The following WWP2 variants were observed in gnomAD, a reference collection of about 807,000 sequenced individuals.
WWP2 encodes WW domain containing E3 ubiquitin protein ligase 2, also known as NEDD4-like E3 ubiquitin-protein ligase WWP2.
WWP2 carries 57 observed loss-of-function variants against 121.0 expected under a neutral mutation model. That is an observed-to-expected ratio of 0.47 (90% CI 0.38 to 0.59). The LOEUF (loss-of-function observed/expected upper bound fraction) is 0.59, where lower values mean the gene tolerates loss of function less well. Among genes scored for constraint, WWP2 ranks in the 20% least tolerant of loss-of-function variants. WWP2 has a pLI of 0.00. For synonymous variants in WWP2, 449 were observed against 441.3 expected, an observed-to-expected ratio of 1.02 and a Z score of -0.22; for missense variants, 962 against 1,158.9, an observed-to-expected ratio of 0.83 and a Z score of 2.47.
chr16:69,783,482 G>A (rs2055709142), intron 1 of WWP2, among the ~76,000 whole-genome samples: 1 of 152,052 alleles, frequency 6.6e-6, no homozygotes, highest in Admixed American at 6.6e-5. Flanking sequence ...GCTGCCGTGA[G>A]CCATGATTAT....
intron 11 of WWP2, among the ~76,000 whole-genome samples, chr16:69,927,310 C>G (rs1239205547): frequency 6.6e-6 from 1 of 152,110 alleles, no homozygotes; most frequent in Non-Finnish European, 1.5e-5. Context: ...AGCTTGCTAA[C>G]CCAGCCTGCT....
At chr16:69,792,647 G>A (rs1488855847) in intron 2 of WWP2, among the ~76,000 whole-genome samples, 1 of 152,132 alleles carries the variant, frequency 6.6e-6, no homozygotes, top group Admixed American at 6.6e-5. Context: ...CCAATGGCAG[G>A]ACAACCTAAT....
At chr16:69,842,207 T>C (rs1253613809) in intron 6 of WWP2, 87 bp downstream of exon 6, 2 of 1,288,576 alleles carry the variant, frequency 1.6e-6, no homozygotes, top group Admixed American at 4.3e-5. Context: ...GAACATTTTA[T>C]GGTAGAAACT....
chr16:69,846,048 T>TGAAAAA (rs1567700143), intron 6 of WWP2, among the ~76,000 whole-genome samples: 1 of 1,734 alleles, frequency 5.8e-4, no homozygotes, highest in African/African-American at 2.2e-3. Flanking sequence ...AGACTCCATC[T>TGAAAAA]CAAAAAAAAA....
At position 69,925,213 on chromosome 16, in the gene WWP2, CG is replaced by C. The variant is rs1044337640; in HGVS notation, c.1180-216del. On this transcript the variant is annotated intron_variant, in intron 10 of 23. Coordinates refer to ENST00000359154, the MANE Select transcript of WWP2 (RefSeq NM_001270454.2). This position sits in a 1 kb window ranked among gnomAD's most constrained non-coding sequence, Gnocchi z 4.0. ...TTTTCCAAAACTCACTTGGGCCCTC[CG>C]TGCGCAGGGTTCTTTTTTGGTTTTT... 1.4e-5 allele frequency: 20 copies of C among 1,401,330 alleles called. No homozygotes were observed. The highest frequency in any genetic ancestry group is 4.3e-5 in the African/African-American group (3 of 69,384). 86.8% of individuals were successfully genotyped at this position (1,401,330 alleles called of 1,614,324 possible).
In WWP2 at chr16:69,930,216, G is replaced by A. The variant is rs759088222; in HGVS notation, c.1403G>A (p.Arg468His). The change falls in exon 13 of 24, where the codon CGC (arginine) becomes CAC (histidine). Residue 468 changes from arginine to histidine, a missense_variant. By Grantham distance (29) the Arg-to-His change is conservative (BLOSUM62 0). Coordinates refer to ENST00000359154, the MANE Select transcript of WWP2 (RefSeq NM_001270454.2). The stretch of plus-strand genomic sequence containing the variant: ...CGATACTTTGTGGACCACAATACCC[G>A]CACCACCACCTTTAAGGATCCTCGC... ...GVRYFVDHNT[R>H]TTTFKDPRPG... is the part of the protein sequence containing the mutation. 18 of 1,613,820 alleles carry A rather than the reference G, an allele frequency of 1.1e-5. No homozygotes were observed. Among genetic ancestry groups the A allele is most frequent in the African/African-American group, 1.3e-5 (1 of 74,918 alleles).
At chr16:69,870,985 T>C (rs957001595) in intron 6 of WWP2, among the ~76,000 whole-genome samples, 52 of 152,208 alleles carry the variant, frequency 3.4e-4, no homozygotes, top group African/African-American at 1.2e-3. Context: ...AGTCATCTTT[T>C]CTAGATAAAA....
In WWP2 at chr16:69,787,087, G is replaced by A. The variant is rs1423618095; in HGVS notation, c.70+7G>A. 6.2e-7 allele frequency: 1 copy of A among 1,612,322 alleles called. No individual in the cohort carries two copies. The highest frequency in any genetic ancestry group is 8.5e-7 in the Non-Finnish European group (1 of 1,179,176). ...TCTCAGCTCACTTTGAAAGGTGAGT[G>A]GCACTGTATAATGTCTTCATCTTGT... On this transcript the variant is annotated splice_region_variant and intron_variant, in intron 2 of 23. Transcript: ENST00000359154.
rs755644281 is a variant in WWP2 at position 69,908,873 on chromosome 16, C to G, written c.1004+23C>G. On this transcript the variant is annotated intron_variant, in intron 9 of 23. Coordinates refer to ENST00000359154, the MANE Select transcript of WWP2 (RefSeq NM_001270454.2). ...AGGGTAGGTCATCAACTGAGAAGACCTGAGACTCTGGAACTGACACCATGA... is the reference window on the plus strand; with the variant it reads ...AGGGTAGGTCATCAACTGAGAAGACGTGAGACTCTGGAACTGACACCATGA... The G allele has an allele frequency of 1.2e-6, 2 of 1,613,968 alleles. No individual in the cohort carries two copies. Among genetic ancestry groups the G allele is most frequent in the Non-Finnish European group, 1.7e-6 (2 of 1,179,988 alleles).
At chr16:69,867,374 C>T (rs2057546005) in intron 6 of WWP2, among the ~76,000 whole-genome samples, 1 of 152,152 alleles carries the variant, frequency 6.6e-6, no homozygotes, top group Non-Finnish European at 1.5e-5. Flanking sequence ...AAGGTGGAAG[C>T]TCCTTGAGGT....
chr16:69,861,737 G>A (rs1022972983), intron 6 of WWP2, among the ~76,000 whole-genome samples: 1 of 150,846 alleles, frequency 6.6e-6, no homozygotes, highest in African/African-American at 2.4e-5. Flanking sequence ...GCGCTTCTCT[G>A]GGTGGTGGAC....
At chr16:69,887,631 C>T (rs565563671) in intron 7 of WWP2, among the ~76,000 whole-genome samples, 3 of 152,266 alleles carry the variant, frequency 2.0e-5, no homozygotes, top group Admixed American at 2.0e-4. Context: ...ATCTCGAACT[C>T]CTGACCTCAA....
intron 1 of WWP2, among the ~76,000 whole-genome samples, chr16:69,781,390 G>T (rs947395599): frequency 6.6e-6 from 1 of 152,168 alleles, no homozygotes; most frequent in Admixed American, 6.5e-5. Flanking sequence ...GTGTCACCCA[G>T]GCTGGAGTGC....
At chr16:69,806,195 T>A (rs2056271216) in intron 4 of WWP2, among the ~76,000 whole-genome samples, 1 of 152,202 alleles carries the variant, frequency 6.6e-6, no homozygotes. Context: ...AGTGAGACCC[T>A]GTCTCTAGAA....
chr16:69,794,535 A>C (rs968539231), intron 2 of WWP2, among the ~76,000 whole-genome samples: 6 of 152,180 alleles, frequency 3.9e-5, no homozygotes, highest in Non-Finnish European at 5.9e-5. Context: ...TCTCAAAAAA[A>C]AAAAGAAACT....
chr16:69,795,657 T>G (rs2056021032), intron 2 of WWP2, among the ~76,000 whole-genome samples: 3 of 130,252 alleles, frequency 2.3e-5, no homozygotes, highest in Admixed American at 1.6e-4. Flanking sequence ...AGGTTTTTTT[T>G]TTTTTTTTTT....
intron 4 of WWP2, among the ~76,000 whole-genome samples, chr16:69,801,848 A>G (rs2056174129): frequency 6.6e-6 from 1 of 152,134 alleles, no homozygotes; most frequent in Non-Finnish European, 1.5e-5. Context: ...CAATGAAACT[A>G]AATTGAGATT....
At position 69,795,275 on chromosome 16, in the gene WWP2, C is replaced by T. The variant is rs918457378; in HGVS notation, c.71-3407C>T. Among the ~76,000 whole-genome samples the T allele has an allele frequency of 4.1e-4, 62 of 151,404 alleles. 1 individual carries two copies. Among genetic ancestry groups the T allele is most frequent in the African/African-American group, 1.5e-3 (62 of 41,396 alleles). On this transcript the variant is annotated intron_variant, in intron 2 of 23. Coordinates refer to ENST00000359154, the MANE Select transcript of WWP2 (RefSeq NM_001270454.2). Reference sequence around the variant, plus strand: ...AAATGCGGATACACACACACACACACACACACACACACACACACATACACA... The same window carrying T: ...AAATGCGGATACACACACACACACATACACACACACACACACACATACACA...
rs1265244161 is a variant in WWP2, at chr16:69,908,926, C to T, written c.1004+76C>T. Reference sequence around the variant, plus strand: ...CACCCAATGGCTTCTTGAAACGGTCCCTTTCTGCGGAGGTAGCATAGCACA... The same window carrying T: ...CACCCAATGGCTTCTTGAAACGGTCTCTTTCTGCGGAGGTAGCATAGCACA... On this transcript the variant is annotated intron_variant, in intron 9 of 23. Transcript: ENST00000359154. 1.9e-6 allele frequency: 3 copies of T among 1,607,664 alleles called. No individual in the cohort carries two copies. The African/African-American group carries it at 4.0e-5, about 22-fold the overall frequency.
Sources: allele counts gnomAD v4.1 joint callset (sites outside exome capture counted in the v4.1 genomes callset), GRCh38; gene constraint gnomAD v4.1.1; non-coding constraint Gnocchi (gnomAD v3.1); transcripts MANE v1.5; gene names NCBI Gene and HGNC (gene_info 2026-07-23, HGNC 2026-07-21).